RPH3A: variants seen among roughly 807,000 people sequenced by gnomAD.
RPH3A encodes rabphilin 3A.
In RPH3A, 48 loss-of-function variants were observed where a neutral mutation model predicts 102.2. The ratio of observed to expected loss-of-function variants is 0.47; its 90% confidence interval spans 0.37 to 0.60. The LOEUF (loss-of-function observed/expected upper bound fraction) is 0.60, where lower values mean the gene tolerates loss of function less well. Among genes scored for constraint, RPH3A ranks in the 20% least tolerant of loss-of-function variants. RPH3A has a pLI of 0.00. For missense variants in RPH3A, 781 were observed against 910.1 expected (o/e 0.86, Z 1.83); for synonymous variants, 310 against 324.3 (o/e 0.96, Z 0.47).
chr12:112,597,166 G>A lies in RPH3A; in HGVS notation c.-140+21847G>A, dbSNP rs374102708. 9.8e-5 allele frequency among the ~76,000 whole-genome samples: 15 copies of A among 152,304 alleles called. 1 individual carries two copies. Among genetic ancestry groups the A allele is most frequent in the South Asian group, 6.2e-4 (3 of 4,824 alleles). On this transcript the variant is annotated intron_variant, in intron 1 of 21. Coordinates refer to the RPH3A transcript ENST00000543106. ...TGACACAGTGGTTATTTTTGGGGAG[G>A]AGGAGAGGGAACTGTGATTGTTGAG...
At chr12:112,823,802 C>T (rs905051984) in intron 2 of RPH3A, among the ~76,000 whole-genome samples, 1 of 152,166 alleles carries the variant, frequency 6.6e-6, no homozygotes, top group Non-Finnish European at 1.5e-5. Context: ...CTGAGGTTCA[C>T]CACTAGACTT....
At chr12:112,827,386 T>G (rs1195258576) in intron 2 of RPH3A, among the ~76,000 whole-genome samples, 1 of 152,240 alleles carries the variant, frequency 6.6e-6, no homozygotes, top group African/African-American at 2.4e-5. Flanking sequence ...ATGTCAATAC[T>G]TCATCTGTTT....
At chr12:112,677,822 A>G (rs1055495586) in intron 1 of RPH3A, among the ~76,000 whole-genome samples, 16 of 152,044 alleles carry the variant, frequency 1.1e-4, no homozygotes, top group African/African-American at 3.9e-4. Flanking sequence ...AAACTCTAGA[A>G]TGAGTTTTTC....
chr12:112,618,944 A>G (rs991169329), intron 1 of RPH3A, among the ~76,000 whole-genome samples: 1 of 152,222 alleles, frequency 6.6e-6, no homozygotes, highest in East Asian at 1.9e-4. Context: ...TATAAATGGA[A>G]TAATATAATA....
chr12:112,711,834 A>T lies in RPH3A; in HGVS notation c.-139-80309A>T, dbSNP rs537248997. Among the ~76,000 whole-genome samples the T allele has an allele frequency of 4.7e-4, 72 of 151,874 alleles. 1 individual carries two copies. The highest frequency in any genetic ancestry group is 1.7e-3 in the South Asian group (8 of 4,786). On this transcript the variant is annotated intron_variant, in intron 1 of 21. Coordinates refer to the RPH3A transcript ENST00000543106. ...TTCCTCGTTCCTTGTTCTCTGTACA[A>T]TTTTTTTCTTTTTTTGAGACAGAGT...
chr12:112,800,612 T>C (rs2041325451), intron 2 of RPH3A, among the ~76,000 whole-genome samples: 2 of 151,696 alleles, frequency 1.3e-5, no homozygotes, highest in African/African-American at 4.8e-5. Flanking sequence ...AGGGGACCAG[T>C]GAGGGGAGCT....
chr12:112,876,896 G>A, intron 13 of RPH3A, 30 bp downstream of exon 13: 1 of 1,524,924 alleles, frequency 6.6e-7, no homozygotes, highest in South Asian at 1.3e-5. Context: ...GAGGTATCTT[G>A]GAAAAATCAC....
At chr12:112,808,514 C>T (rs1157656803) in intron 2 of RPH3A, among the ~76,000 whole-genome samples, 1 of 152,198 alleles carries the variant, frequency 6.6e-6, no homozygotes, top group East Asian at 1.9e-4. Flanking sequence ...AAGGGAAAGG[C>T]AACAAGCCCT....
At chr12:112,851,173 T>C (rs547169165) in intron 5 of RPH3A, among the ~76,000 whole-genome samples, 1 of 152,346 alleles carries the variant, frequency 6.6e-6, no homozygotes, top group East Asian at 1.9e-4. Flanking sequence ...CATTAACTGC[T>C]CCTCTCAACC....
chr12:112,627,971 G>A (rs1013224680), intron 1 of RPH3A, among the ~76,000 whole-genome samples: 1 of 139,496 alleles, frequency 7.2e-6, no homozygotes, highest in African/African-American at 2.6e-5. Flanking sequence ...TGTGGCTGGA[G>A]CAGGAGCAAG....
At chr12:112,808,968 C>A (rs545527763) in intron 2 of RPH3A, among the ~76,000 whole-genome samples, 18 of 152,166 alleles carry the variant, frequency 1.2e-4, no homozygotes, top group Non-Finnish European at 2.2e-4. Context: ...TACCAGGACT[C>A]AGCCCTAGAG....
chr12:112,784,330 C>T (rs2041029414), intron 1 of RPH3A, among the ~76,000 whole-genome samples: 1 of 152,150 alleles, frequency 6.6e-6, no homozygotes, highest in African/African-American at 2.4e-5. Context: ...CAGCCTCTCC[C>T]CTCTTATTCA....
At chr12:112,853,427 C>G (rs1045459112) in intron 5 of RPH3A, among the ~76,000 whole-genome samples, 5 of 152,192 alleles carry the variant, frequency 3.3e-5, no homozygotes, top group African/African-American at 1.2e-4. Context: ...ACTCTGAACC[C>G]TCCAGTGTTG....
chr12:112,715,796 C>G (rs1238877824), intron 1 of RPH3A, among the ~76,000 whole-genome samples: 3 of 152,104 alleles, frequency 2.0e-5, no homozygotes, highest in Non-Finnish European at 4.4e-5. Flanking sequence ...TAAGCCCATA[C>G]AGTAAAGTGA....
chr12:112,720,403 TG>T (rs2136041895), intron 1 of RPH3A, among the ~76,000 whole-genome samples: 1 of 152,364 alleles, frequency 6.6e-6, no homozygotes, highest in Non-Finnish European at 1.5e-5. Flanking sequence ...CACATGTTGG[TG>T]GCCATATTGT....
At chr12:112,877,423 C>CACACACACACACACACACACACACGTAT (rs2042825126) in intron 13 of RPH3A, among the ~76,000 whole-genome samples, 29 of 120,244 alleles carry the variant, frequency 2.4e-4, no homozygotes, top group African/African-American at 1.1e-3. Context: ...CACGTATACA[C>CACACACACACACACACACACACACGTAT]ACACACACAC....
Position 112,755,158 on chromosome 12 carries a change from C to T in RPH3A, c.-139-36985C>T, listed in dbSNP as rs376417311. Among the ~76,000 whole-genome samples the T allele has an allele frequency of 1.1e-4, 17 of 152,260 alleles. No individual in the cohort carries two copies. The East Asian group carries it at 2.5e-3, about 22-fold the overall frequency. On this transcript the variant is annotated intron_variant, in intron 1 of 21. Transcript: ENST00000543106. Reference sequence around the variant, plus strand: ...GATTTTTAAAATATCAAAAGGTATACAGTGGAATGTCTTCCTCCTTACCTT... The same window carrying T: ...GATTTTTAAAATATCAAAAGGTATATAGTGGAATGTCTTCCTCCTTACCTT...
chr12:112,813,908 G>A (rs769913848), intron 2 of RPH3A, among the ~76,000 whole-genome samples: 16 of 152,132 alleles, frequency 1.1e-4, no homozygotes, highest in Non-Finnish European at 2.2e-4. Flanking sequence ...GTTGAAATGT[G>A]TACTGTGGGT....
At chr12:112,789,170 C>T (rs113557666), upstream of RPH3A, among the ~76,000 whole-genome samples, 809 of 152,156 alleles carry the variant, frequency 5.3e-3, 4 homozygotes, top group Middle Eastern at 0.034. Context: ...ATAAAACAAA[C>T]GATATTGTTT....
Sources: gnomAD v4.1 joint callset for allele counts (sites outside exome capture counted in the v4.1 genomes callset) on GRCh38, gnomAD v4.1.1 for gene constraint, MANE v1.5 for transcripts, NCBI Gene and HGNC (gene_info 2026-07-23, HGNC 2026-07-21) for gene names.